The following NDRG1 variants were observed in gnomAD, a reference collection of about 807,000 sequenced individuals.
NDRG1 encodes protein NDRG1.
In NDRG1, 32 loss-of-function variants were observed where a neutral mutation model predicts 56.9. The observed-to-expected ratio is 0.56, with a 90% confidence interval of 0.42 to 0.76. NDRG1 has a LOEUF of 0.76. Ranked by LOEUF, NDRG1 falls within the 30% of genes least tolerant of loss-of-function variation. The probability of loss-of-function intolerance (pLI) is 0.00; values close to 1 mark genes in which losing one functional copy is unlikely to be tolerated. For missense variants in NDRG1, 507 were observed against 545.7 expected (o/e 0.93, Z 0.71); for synonymous variants, 211 against 204.1 (o/e 1.03, Z -0.29).
chr8:133,294,676 G>GGC (rs1563646755), intron 1 of NDRG1, among the ~76,000 whole-genome samples: 2 of 122,532 alleles, frequency 1.6e-5, no homozygotes, highest in African/African-American at 6.4e-5. Context: ...TGTCATGGGG[G>GGC]GGGGGCAGCC....
At position 133,255,132 on chromosome 8, in the gene NDRG1, T is replaced by C. The variant is rs771799950; in HGVS notation, c.538-537A>G. 223 of 362,926 alleles carry C rather than the reference T, an allele frequency of 6.1e-4. 1 individual carries two copies. Among genetic ancestry groups the C allele is most frequent in the Non-Finnish European group, 8.9e-4 (164 of 184,962 alleles). The allele number at this position is 362,926 out of a possible 1,614,324, so 22.5% of individuals were successfully genotyped here. A position where few individuals can be genotyped will look rare whatever the true frequency, so the allele number is the denominator to read the frequency against. ...AGCAGGAGCTCTATAAGTCCTAGTA[T>C]ACAGCAGAAGCTCCATAAATGTGTG... On this transcript the variant is annotated intron_variant, in intron 8 of 15. Transcript: ENST00000323851.
At chr8:133,242,380 T>C (rs1448236407) in intron 14 of NDRG1, among the ~76,000 whole-genome samples, 1 of 152,218 alleles carries the variant, frequency 6.6e-6, no homozygotes, top group Non-Finnish European at 1.5e-5. Flanking sequence ...CAAAGGGACA[T>C]GTCTAACCCA....
At chr8:133,261,158 T>C (rs1198514299) in intron 5 of NDRG1, among the ~76,000 whole-genome samples, 3 of 151,954 alleles carry the variant, frequency 2.0e-5, no homozygotes, top group Non-Finnish European at 4.4e-5. Flanking sequence ...CAGGCTGGAG[T>C]GCAGTGGTGC....
At chr8:133,283,126 C>T (rs1857909204) in intron 2 of NDRG1, among the ~76,000 whole-genome samples, 1 of 152,150 alleles carries the variant, frequency 6.6e-6, no homozygotes, top group Non-Finnish European at 1.5e-5. Flanking sequence ...ATTCCATGTC[C>T]CACACTTTGT....
chr8:133,244,578 C>T, intron 13 of NDRG1, 188 bp from the exon 14 acceptor site: 1 of 679,218 alleles, frequency 1.5e-6, no homozygotes, highest in African/African-American at 1.8e-5. Flanking sequence ...CTGCTGGTGT[C>T]TCCGTGGCAA....
At position 133,248,574 on chromosome 8, in the gene NDRG1, T is replaced by C. The variant is rs16904873; in HGVS notation, c.755+141A>G. On this transcript the variant is annotated intron_variant, in intron 11 of 15. Transcript: ENST00000323851. ...GAGAAGTCCAAGTCAGGCTGGGTAA[T>C]GCTCAGTCTCTGGGTGGAATATATC... The C allele has an allele frequency of 0.1, 107,755 of 1,041,540 alleles. 6,152 individuals are homozygous for C. Among genetic ancestry groups the C allele is most frequent in the Admixed American group, 0.18 (10,406 of 57,856 alleles). 64.5% of individuals were successfully genotyped at this position (1,041,540 alleles called of 1,614,324 possible).
At chr8:133,280,784 C>T (rs1368562948) in intron 2 of NDRG1, among the ~76,000 whole-genome samples, 1 of 152,106 alleles carries the variant, frequency 6.6e-6, no homozygotes, top group East Asian at 1.9e-4. Context: ...AAAGCAGACA[C>T]ATTAACTGGA....
intron 14 of NDRG1, among the ~76,000 whole-genome samples, chr8:133,243,768 G>A (rs989460962): frequency 7.9e-5 from 12 of 152,310 alleles, no homozygotes; most frequent in Non-Finnish European, 1.3e-4. Flanking sequence ...AAAACTGTCA[G>A]GATATAAAAT....
At chr8:133,249,207 A>C in intron 10 of NDRG1, 1 of 269,940 alleles carries the variant, frequency 3.7e-6, no homozygotes, top group Non-Finnish European at 7.3e-6. Flanking sequence ...TCTCTTTAAA[A>C]CTCAGGCCTC....
chr8:133,287,725 G>T (rs1375840520), intron 1 of NDRG1, among the ~76,000 whole-genome samples: 1 of 152,168 alleles, frequency 6.6e-6, no homozygotes, highest in African/African-American at 2.4e-5. Flanking sequence ...AGCACGGGAG[G>T]AGGCTCAGCA....
intron 3 of NDRG1, among the ~76,000 whole-genome samples, chr8:133,269,759 G>C (rs561888154): frequency 2.0e-5 from 3 of 152,346 alleles, no homozygotes; most frequent in Admixed American, 1.3e-4. Context: ...CAGCAAGTCA[G>C]ATTTCCCACA....
intron 3 of NDRG1, among the ~76,000 whole-genome samples, chr8:133,265,909 C>A (rs138198749): frequency 1.4e-4 from 21 of 152,376 alleles, no homozygotes; most frequent in Middle Eastern, 3.4e-3. Context: ...AGTCACTCAT[C>A]TCCCTTGAGC....
Position 133,258,219 on chromosome 8 carries a change from C to G in NDRG1, c.450+147G>C, listed in dbSNP as rs974013323. 1.6e-5 allele frequency: 12 copies of G among 766,660 alleles called. No homozygotes were observed. The African/African-American group carries it at 2.1e-4, about 14-fold the overall frequency. 47.5% of individuals were successfully genotyped at this position (766,660 alleles called of 1,614,324 possible). ...GTGAGTATATATATATACGAGTACCCATGCACCACACACACACACACACAC... is the reference window on the plus strand; with the variant it reads ...GTGAGTATATATATATACGAGTACCGATGCACCACACACACACACACACAC... On this transcript the variant is annotated intron_variant, in intron 7 of 15. Transcript: ENST00000323851.
intron 2 of NDRG1, among the ~76,000 whole-genome samples, chr8:133,281,245 T>G (rs1857782945): frequency 6.6e-6 from 1 of 151,542 alleles, no homozygotes; most frequent in African/African-American, 2.4e-5. Context: ...TAATCCCAGC[T>G]ACTCGGGAGG....
At position 133,242,062 on chromosome 8, in the gene NDRG1, C is replaced by A. The variant is rs373637595; in HGVS notation, c.904G>T (p.Ala302Ser). 1.2e-6 allele frequency: 2 copies of A among 1,614,208 alleles called. No individual in the cohort carries two copies. Among genetic ancestry groups the A allele is most frequent in the African/African-American group, 1.3e-5 (1 of 75,056 alleles). ...LPQISQPAKL[A>S]EAFKYFVQGM... ...TGCACGAAGTACTTGAAGGCCTCAG[C>A]GAGCTTGGCCGGCTGCGAGAGACAA... Residue 302 changes from alanine to serine, a missense_variant, in exon 15 of 16, where the codon GCT (alanine) becomes TCT (serine). Coordinates refer to ENST00000323851, the MANE Select transcript of NDRG1 (RefSeq NM_006096.4).
chr8:133,242,134 C>A lies in NDRG1; in HGVS notation c.892-60G>T. 2.5e-6 allele frequency: 4 copies of A among 1,572,736 alleles called. No homozygotes were observed. In the South Asian group the frequency reaches 4.4e-5, roughly 17 times the overall value. Reference sequence around the variant, plus strand: ...GCTGGGGAGCCAGATCACCCGAGGCCATGGGGGGCTGTGCCTGTGGTCACC... The same window carrying A: ...GCTGGGGAGCCAGATCACCCGAGGCAATGGGGGGCTGTGCCTGTGGTCACC... On this transcript the variant is annotated intron_variant, in intron 14 of 15. Transcript: ENST00000323851.
chr8:133,275,714 G>A (rs185470798), intron 3 of NDRG1, among the ~76,000 whole-genome samples: 5 of 152,278 alleles, frequency 3.3e-5, no homozygotes, highest in East Asian at 3.9e-4. Flanking sequence ...CTGAGGAATC[G>A]GGATTGGTTT....
chr8:133,238,946 C>G lies in NDRG1; in HGVS notation c.1117G>C (p.Asp373His), dbSNP rs1312469669. 1 of 1,574,206 alleles carries G rather than the reference C, an allele frequency of 6.4e-7. No homozygotes were observed. The highest frequency in any genetic ancestry group is 8.6e-7 in the Non-Finnish European group (1 of 1,161,064). ...GCAGCACCCGAGTTGGGGGTGATGT[C>G]CAGGTGGGCCCCCTCGCTGGTGTGC... ...RSHTSEGAHL[D>H]ITPNSGAAGN... Residue 373 changes from aspartate (D) to histidine (H), a missense_variant, in exon 16 of 16, where the codon GAC becomes CAC. By Grantham distance (81) the Asp-to-His change is moderately conservative. Transcript: ENST00000323851.
intron 6 of NDRG1, 123 bp downstream of exon 6, chr8:133,259,045 T>C (rs1856529663): frequency 1.0e-6 from 1 of 959,280 alleles, no homozygotes; most frequent in East Asian, 2.4e-5. Context: ...GCTAATTTCT[T>C]GCCTCATCTC....
Sources: gnomAD v4.1 joint callset for allele counts (sites outside exome capture counted in the v4.1 genomes callset) on GRCh38, gnomAD v4.1.1 for gene constraint, MANE v1.5 for transcripts, NCBI Gene and HGNC (gene_info 2026-07-23, HGNC 2026-07-21) for gene names.